Variants in CACNA2D1 observed in about 807,000 individuals in gnomAD.
CACNA2D1 encodes calcium voltage-gated channel auxiliary subunit alpha2delta 1, also known as voltage-dependent calcium channel subunit alpha-2/delta-1.
Under a neutral mutation model 171.5 loss-of-function variants are expected in CACNA2D1, and 53 were observed. The ratio of observed to expected loss-of-function variants is 0.31; its 90% CI spans 0.25 to 0.39. The LOEUF is 0.39. CACNA2D1 is among the 10% of genes least tolerant of loss of function. CACNA2D1 has a pLI of 1.00. For missense variants in CACNA2D1, 903 were observed against 1,299.8 expected (o/e 0.69, Z 4.69); for synonymous variants, 442 against 443.1 (o/e 1.00, Z 0.03).
At chr7:82,134,152 A>T (rs970781787) in intron 5 of CACNA2D1, among the ~76,000 whole-genome samples, 5 of 152,098 alleles carry the variant, frequency 3.3e-5, no homozygotes, top group African/African-American at 1.2e-4. Flanking sequence ...AAAAACCAAC[A>T]TGCTTATAGT....
chr7:82,108,341 C>T (rs186721280), intron 6 of CACNA2D1, among the ~76,000 whole-genome samples: 2 of 152,144 alleles, frequency 1.3e-5, no homozygotes, highest in East Asian at 3.9e-4. Flanking sequence ...TACAGATATC[C>T]TCATATCTGC....
chr7:81,995,100 A>G (rs1235592799), intron 19 of CACNA2D1, among the ~76,000 whole-genome samples, 161 bp from the exon 20 acceptor site: 1 of 152,126 alleles, frequency 6.6e-6, no homozygotes, highest in Non-Finnish European at 1.5e-5. Flanking sequence ...TTCTCAGGGA[A>G]TTTTTTTAAG....
intron 5 of CACNA2D1, among the ~76,000 whole-genome samples, chr7:82,134,518 T>A (rs569942753): frequency 2.0e-5 from 3 of 152,220 alleles, no homozygotes; most frequent in Non-Finnish European, 2.9e-5. Flanking sequence ...TATAAAGCAA[T>A]TGAGTTTTCT....
chr7:82,224,595 A>G (rs1042316638), intron 3 of CACNA2D1, among the ~76,000 whole-genome samples: 4 of 152,162 alleles, frequency 2.6e-5, no homozygotes, highest in Non-Finnish European at 5.9e-5. Context: ...AAAAAAAGAA[A>G]AAAGAAATAA....
At chr7:82,271,313 T>C (rs1280906312) in intron 3 of CACNA2D1, among the ~76,000 whole-genome samples, 2 of 152,142 alleles carry the variant, frequency 1.3e-5, no homozygotes, top group Non-Finnish European at 2.9e-5. Context: ...TCTGAAGACC[T>C]GAGTCATTCA....
intron 3 of CACNA2D1, among the ~76,000 whole-genome samples, chr7:82,237,420 T>A (rs756223814): frequency 6.6e-6 from 1 of 151,896 alleles, no homozygotes; most frequent in Non-Finnish European, 1.5e-5. Context: ...TATACTTATA[T>A]CATGTTTTCT....
chr7:82,328,298 A>G (rs551077738), intron 3 of CACNA2D1, among the ~76,000 whole-genome samples: 1 of 152,330 alleles, frequency 6.6e-6, no homozygotes, highest in African/African-American at 2.4e-5. Context: ...CAGAGTTTTC[A>G]GAAAGCTCTT....
At chr7:81,976,834 AC>A (rs1486688706) in intron 24 of CACNA2D1, among the ~76,000 whole-genome samples, 1 of 152,206 alleles carries the variant, frequency 6.6e-6, no homozygotes, top group Non-Finnish European at 1.5e-5. Context: ...AGCCTGAGAA[AC>A]AAAAGCGAGA....
chr7:82,041,874 A>G (rs939688214), intron 10 of CACNA2D1, among the ~76,000 whole-genome samples: 1 of 152,218 alleles, frequency 6.6e-6, no homozygotes, highest in African/African-American at 2.4e-5. Flanking sequence ...AATATTATTA[A>G]CTGACTTATT....
At chr7:82,412,823 G>A (rs1484559829) in intron 1 of CACNA2D1, among the ~76,000 whole-genome samples, 2 of 151,918 alleles carry the variant, frequency 1.3e-5, no homozygotes, top group Non-Finnish European at 2.9e-5. Context: ...TCTATTTAGA[G>A]TGAACATTAT....
intron 10 of CACNA2D1, among the ~76,000 whole-genome samples, chr7:82,039,495 G>A (rs926359283): frequency 4.6e-5 from 7 of 151,928 alleles, no homozygotes; most frequent in South Asian, 2.1e-4. Context: ...AAATCATTTC[G>A]TCTTTGCAAA....
At chr7:82,109,798 T>TACTGCATGCAATCCTC (rs1563061705) in intron 6 of CACNA2D1, among the ~76,000 whole-genome samples, 1 of 152,138 alleles carries the variant, frequency 6.6e-6, no homozygotes, top group African/African-American at 2.4e-5. Context: ...TTGCATTACT[T>TACTGCATGCAATCCTC]ACTGCATGCA....
intron 3 of CACNA2D1, among the ~76,000 whole-genome samples, chr7:82,194,284 C>A (rs1798633670): frequency 6.6e-6 from 1 of 151,928 alleles, no homozygotes; most frequent in South Asian, 2.1e-4. Context: ...CTGTCTCAAC[C>A]CCACCCTTGA....
At chr7:82,303,615 G>T (rs2129427769) in intron 3 of CACNA2D1, among the ~76,000 whole-genome samples, 1 of 152,204 alleles carries the variant, frequency 6.6e-6, no homozygotes, top group South Asian at 2.1e-4. Context: ...ACAGAACAGA[G>T]AACTCAGGAA....
intron 18 of CACNA2D1, among the ~76,000 whole-genome samples, chr7:81,999,128 G>A (rs1045641492): frequency 2.0e-5 from 3 of 152,134 alleles, no homozygotes; most frequent in African/African-American, 4.8e-5. Context: ...CATGCATGGA[G>A]GAGGCATTAT....
At chr7:82,081,610 A>C (rs1012107498) in intron 7 of CACNA2D1, among the ~76,000 whole-genome samples, 1 of 152,122 alleles carries the variant, frequency 6.6e-6, no homozygotes, top group Non-Finnish European at 1.5e-5. Flanking sequence ...CTTAAAACCT[A>C]GGTATTGTGA....
At chr7:82,055,584 T>C (rs1338792744) in intron 10 of CACNA2D1, among the ~76,000 whole-genome samples, 1 of 151,200 alleles carries the variant, frequency 6.6e-6, no homozygotes, top group Non-Finnish European at 1.5e-5. Context: ...TATGCAGCCA[T>C]AAAAAATGAT....
At chr7:81,987,745 G>A (rs1016758498) in intron 21 of CACNA2D1, among the ~76,000 whole-genome samples, 2 of 152,248 alleles carry the variant, frequency 1.3e-5, no homozygotes, top group Non-Finnish European at 2.9e-5. Context: ...TGGAGACTTG[G>A]AAAGCGAATG....
chr7:82,113,422 G>A (rs541594782), intron 6 of CACNA2D1, among the ~76,000 whole-genome samples: 10 of 152,012 alleles, frequency 6.6e-5, no homozygotes, highest in Non-Finnish European at 1.0e-4. Flanking sequence ...TATGGTTTGG[G>A]TGTCCTCTAA....
Sources: gnomAD v4.1 joint callset for allele counts (sites outside exome capture counted in the v4.1 genomes callset) on GRCh38, gnomAD v4.1.1 for gene constraint, MANE v1.5 for transcripts, NCBI Gene and HGNC (gene_info 2026-07-23, HGNC 2026-07-21) for gene names.